The following BPIFB3 variants were observed in gnomAD, a reference collection of about 807,000 sequenced individuals.
The protein encoded by BPIFB3 is BPI fold-containing family B member 3.
A neutral mutation model predicts 53.1 loss-of-function variants in BPIFB3; 49 were observed. The ratio of observed to expected loss-of-function variants is 0.92; its 90% CI spans 0.73 to 1.17. The LOEUF (loss-of-function observed/expected upper bound fraction) is 1.17. Among genes scored for constraint, BPIFB3 ranks in the 50% most tolerant of loss-of-function variants. The pLI, the probability that BPIFB3 is intolerant of heterozygous loss-of-function variation, is 0.00. For missense variants in BPIFB3, 628 were observed against 592.5 expected (o/e 1.06, Z -0.62); for synonymous variants, 271 against 269.6 (o/e 1.01, Z -0.05).
upstream of BPIFB3, chr20:33,055,361 A>G: frequency 2.5e-6 from 4 of 1,594,864 alleles, no homozygotes; most frequent in Non-Finnish European, 2.6e-6. Context: ...TAATGGGAAC[A>G]GAGAGGGGAA....
chr20:33,070,069 C>T lies in BPIFB3; in HGVS notation c.1217+114C>T, dbSNP rs905757920. On this transcript the variant is annotated intron_variant, in intron 11 of 14. Coordinates refer to ENST00000375494, the Ensembl canonical transcript of BPIFB3. ...CATCAGCGCAATTCCAGGTGTTTTT[C>T]CAGCATCCTCCTTGCCTTCAGGACC... 8.2e-6 allele frequency: 10 copies of T among 1,225,336 alleles called. No homozygotes were observed. In the Admixed American group the frequency reaches 1.5e-4, roughly 19 times the overall value. The allele number at this position is 1,225,336 out of a possible 1,614,324, so 75.9% of individuals were successfully genotyped here. A position where few individuals can be genotyped will look rare whatever the true frequency, so the allele number is the denominator to read the frequency against.
intron 13 of BPIFB3, 147 bp downstream of exon 14, chr20:33,072,314 C>A: frequency 2.3e-6 from 2 of 869,448 alleles, no homozygotes; most frequent in Non-Finnish European, 3.8e-6. Flanking sequence ...ACTGAGGCAC[C>A]AATTTTTCCA....
chr20:33,062,699 G>C (rs1052696465), intron 5 of BPIFB3, among the ~76,000 whole-genome samples: 1 of 152,186 alleles, frequency 6.6e-6, no homozygotes, highest in Non-Finnish European at 1.5e-5. Flanking sequence ...AAGATTTCTC[G>C]TAACAGTCCA....
chr20:33,056,341 G>T (rs890542322), intron 1 of BPIFB3, among the ~76,000 whole-genome samples: 2 of 152,224 alleles, frequency 1.3e-5, no homozygotes, highest in African/African-American at 4.8e-5. Flanking sequence ...CACATGCCAG[G>T]CAGGGAGGGT....
chr20:33,064,758 G>T, exon 8 of BPIFB3: 2 of 1,614,124 alleles, frequency 1.2e-6, no homozygotes, highest in Non-Finnish European at 1.7e-6. Flanking sequence ...ACACATCCCA[G>T]GTGATGGTGC....
intron 11 of BPIFB3, among the ~76,000 whole-genome samples, chr20:33,070,469 C>G (rs1201994351): frequency 1.3e-5 from 2 of 152,254 alleles, no homozygotes; most frequent in Admixed American, 1.3e-4. Flanking sequence ...AAAGCACCAT[C>G]TACATGCACA....
intron 5 of BPIFB3, among the ~76,000 whole-genome samples, chr20:33,062,900 C>T (rs1283203554): frequency 1.3e-5 from 2 of 152,146 alleles, no homozygotes; most frequent in Non-Finnish European, 1.5e-5. Context: ...GTTTGGGGCC[C>T]CCACTTGACA....
chr20:33,056,874 A>C (rs1445055203), intron 2 of BPIFB3, among the ~76,000 whole-genome samples, 176 bp downstream of exon 3: 1 of 152,202 alleles, frequency 6.6e-6, no homozygotes, highest in Non-Finnish European at 1.5e-5. Flanking sequence ...GAACAGCAGA[A>C]TGCCACTGTG....
At chr20:33,064,724 C>T (rs754590402) in exon 8 of BPIFB3, 9 of 1,614,098 alleles carry the variant, frequency 5.6e-6, no homozygotes, top group Non-Finnish European at 7.6e-6. Context: ...CGTGCCCCAG[C>T]CAAGGTGCCC....
At chr20:33,059,349 A>G (rs376134490) in intron 2 of BPIFB3, 29 bp from the exon 4 acceptor site, 28 of 1,554,648 alleles carry the variant, frequency 1.8e-5, no homozygotes, top group Non-Finnish European at 2.3e-5. Flanking sequence ...TCTGGGAGTG[A>G]GCAACCCTCT....
exon 2 of BPIFB3, chr20:33,056,631 G>A (rs982166144): frequency 6.2e-7 from 1 of 1,613,756 alleles, no homozygotes; most frequent in African/African-American, 1.3e-5. Context: ...GGGCTCAGGA[G>A]GGCTGCTTGG....
At chr20:33,055,706 G>A (rs879488719) in intron 1 of BPIFB3, among the ~76,000 whole-genome samples, 159 bp downstream of exon 2, 4 of 152,212 alleles carry the variant, frequency 2.6e-5, no homozygotes, top group African/African-American at 9.7e-5. Context: ...AGGAGTGAAA[G>A]TTTCCCTTGC....
chr20:33,072,223 A>G (rs929974885), intron 13 of BPIFB3, 56 bp downstream of exon 14: 2 of 1,558,646 alleles, frequency 1.3e-6, no homozygotes, highest in South Asian at 2.2e-5. Context: ...GGTATTGTCT[A>G]GTCTGTTGCC....
At chr20:33,073,129 A>G (rs1443905059) in intron 14 of BPIFB3, among the ~76,000 whole-genome samples, 1 of 152,208 alleles carries the variant, frequency 6.6e-6, no homozygotes, top group South Asian at 2.1e-4. Flanking sequence ...ACAAATACAT[A>G]TGCCATCTCT....
At chr20:33,066,444 G>A (rs1206206546) in intron 8 of BPIFB3, among the ~76,000 whole-genome samples, 7 of 152,178 alleles carry the variant, frequency 4.6e-5, no homozygotes, top group Non-Finnish European at 7.4e-5. Context: ...CCTTTAGATC[G>A]TGAGCCTTGG....
intron 2 of BPIFB3, among the ~76,000 whole-genome samples, chr20:33,058,907 A>G (rs1980324394): frequency 6.6e-6 from 1 of 152,042 alleles, no homozygotes; most frequent in Admixed American, 6.6e-5. Flanking sequence ...GACAGAGGAA[A>G]TGGCCTGGGC....
At chr20:33,054,504 A>T (rs555564473), upstream of BPIFB3, among the ~76,000 whole-genome samples, 2 of 152,312 alleles carry the variant, frequency 1.3e-5, no homozygotes, top group Admixed American at 6.5e-5. Flanking sequence ...GGCAATGTTT[A>T]TCCGGAATCT....
exon 3 of BPIFB3, chr20:33,059,458 C>G (rs1257744779): frequency 1.2e-6 from 2 of 1,612,152 alleles, no homozygotes; most frequent in African/African-American, 1.3e-5. Flanking sequence ...AGCCTGCACA[C>G]CAAAGTGGGC....
chr20:33,073,641 A>G, downstream of BPIFB3: 2 of 1,611,872 alleles, frequency 1.2e-6, no homozygotes, highest in Non-Finnish European at 8.5e-7. Context: ...CCTGTTGACT[A>G]CTAGAGACCA....
Sources: gnomAD v4.1 joint callset for allele counts (sites outside exome capture counted in the v4.1 genomes callset) on GRCh38, gnomAD v4.1.1 for gene constraint, MANE v1.5 for transcripts, NCBI Gene and HGNC (gene_info 2026-07-23, HGNC 2026-07-21) for gene names.